RIMS2: variants seen among roughly 807,000 people sequenced by gnomAD.
The protein encoded by RIMS2 is regulating synaptic membrane exocytosis 2, also known as regulating synaptic membrane exocytosis protein 2.
In RIMS2, 59 loss-of-function variants were observed where a neutral mutation model predicts 174.4. The observed-to-expected ratio is 0.34, with a 90% CI of 0.27 to 0.42. RIMS2 has a LOEUF of 0.42. Ranked by LOEUF, RIMS2 falls within the 10% of genes least tolerant of loss-of-function variation. The pLI is 1.00. For missense variants in RIMS2, 1,620 were observed against 1,666.3 expected (o/e 0.97, Z 0.48); for synonymous variants, 606 against 572.5 (o/e 1.06, Z -0.84).
chr8:103,536,129 G>A (rs1233890406), intron 1 of RIMS2, among the ~76,000 whole-genome samples: 1 of 152,044 alleles, frequency 6.6e-6, no homozygotes, highest in Non-Finnish European at 1.5e-5. Flanking sequence ...CAATTATTTG[G>A]TTCAGACTTA....
At chr8:103,969,999 C>T (rs960117129) in intron 15 of RIMS2, among the ~76,000 whole-genome samples, 46 of 152,198 alleles carry the variant, frequency 3.0e-4, no homozygotes, top group African/African-American at 1.1e-3. Flanking sequence ...ATCCACCTGC[C>T]TTGGCCTCCC....
At chr8:103,984,236 A>G (rs185356173) in intron 16 of RIMS2, among the ~76,000 whole-genome samples, 26 of 152,264 alleles carry the variant, frequency 1.7e-4, no homozygotes, top group Admixed American at 1.6e-3. Context: ...AAGCTTCTGC[A>G]CAGCAAAGGA....
intron 3 of RIMS2, among the ~76,000 whole-genome samples, chr8:103,808,102 A>G (rs1218212176): frequency 6.6e-6 from 1 of 152,140 alleles, no homozygotes; most frequent in Non-Finnish European, 1.5e-5. Context: ...GGATTGAGTG[A>G]TTTCAGGCCA....
chr8:104,057,024 C>G (rs552472208), intron 19 of RIMS2, among the ~76,000 whole-genome samples: 1 of 151,888 alleles, frequency 6.6e-6, no homozygotes, highest in Non-Finnish European at 1.5e-5. Flanking sequence ...CCTAATCTTC[C>G]CCTATGGACC....
intron 1 of RIMS2, among the ~76,000 whole-genome samples, chr8:103,629,539 A>T (rs2095863219): frequency 6.6e-6 from 1 of 152,242 alleles, no homozygotes. Context: ...GAAGTAAAAA[A>T]ATAGGAAGAA....
intron 1 of RIMS2, among the ~76,000 whole-genome samples, chr8:103,506,308 T>C (rs1483168949): frequency 1.3e-5 from 2 of 152,100 alleles, no homozygotes; most frequent in Non-Finnish European, 2.9e-5. Context: ...CTCTTGACAA[T>C]AGATTTTGAT....
chr8:104,163,627 C>A (rs2098778327), intron 19 of RIMS2, among the ~76,000 whole-genome samples: 1 of 152,040 alleles, frequency 6.6e-6, no homozygotes. Context: ...TCTAATGTAA[C>A]CTAGGATATG....
At chr8:103,799,263 C>T (rs1478195053) in intron 3 of RIMS2, among the ~76,000 whole-genome samples, 1 of 152,152 alleles carries the variant, frequency 6.6e-6, no homozygotes, top group Non-Finnish European at 1.5e-5. Context: ...AGACAACAAA[C>T]TTGTGTTTTG....
chr8:104,054,850 C>A (rs1255482799), intron 19 of RIMS2, among the ~76,000 whole-genome samples: 1 of 152,020 alleles, frequency 6.6e-6, no homozygotes, highest in Non-Finnish European at 1.5e-5. Context: ...GTGTTGTTTG[C>A]AACATGTTAT....
chr8:103,630,801 C>G (rs1233152724), intron 1 of RIMS2, among the ~76,000 whole-genome samples: 2 of 151,794 alleles, frequency 1.3e-5, no homozygotes, highest in African/African-American at 4.8e-5. Flanking sequence ...AAAAAAGGAA[C>G]CAAAAAAAGA....
intron 1 of RIMS2, among the ~76,000 whole-genome samples, chr8:103,570,829 G>A (rs1478831170): frequency 1.3e-5 from 2 of 151,936 alleles, no homozygotes; most frequent in African/African-American, 4.8e-5. Flanking sequence ...TAATAAGTAG[G>A]GAGAACTCAA....
intron 19 of RIMS2, among the ~76,000 whole-genome samples, chr8:104,166,069 T>C (rs1325654257): frequency 4.2e-5 from 4 of 95,928 alleles, no homozygotes; most frequent in South Asian, 3.4e-4. Context: ...CTTTTTTTTT[T>C]TTTTTTTTTT....
chr8:103,782,431 C>T (rs62527098), intron 3 of RIMS2, among the ~76,000 whole-genome samples: 1 of 134,036 alleles, frequency 7.5e-6, no homozygotes, highest in Non-Finnish European at 1.6e-5. Flanking sequence ...ATACATAAAT[C>T]CCGTGTGTGT....
intron 3 of RIMS2, among the ~76,000 whole-genome samples, chr8:103,862,730 A>T (rs1262661198): frequency 6.6e-6 from 1 of 151,934 alleles, no homozygotes; most frequent in African/African-American, 2.4e-5. Context: ...TGTTGTGGCT[A>T]TTGTAAATGG....
chr8:103,726,996 C>A (rs2097534830), intron 2 of RIMS2, among the ~76,000 whole-genome samples: 1 of 151,492 alleles, frequency 6.6e-6, no homozygotes. Flanking sequence ...CTCAGCCTCC[C>A]AAAGTGCTGG....
At chr8:103,636,789 C>G (rs2096088461) in intron 1 of RIMS2, among the ~76,000 whole-genome samples, 3 of 9,906 alleles carry the variant, frequency 3.0e-4, no homozygotes, top group Admixed American at 1.1e-3. Flanking sequence ...CACCCCCGCA[C>G]CCCCCCCCCC....
intron 19 of RIMS2, among the ~76,000 whole-genome samples, chr8:104,068,132 A>G (rs1037722598): frequency 6.6e-6 from 1 of 152,196 alleles, no homozygotes; most frequent in African/African-American, 2.4e-5. Context: ...TAACTTTAAT[A>G]CCTATAAATA....
intron 19 of RIMS2, among the ~76,000 whole-genome samples, chr8:104,092,021 TA>T (rs1388201007): frequency 6.6e-6 from 1 of 151,810 alleles, no homozygotes; most frequent in African/African-American, 2.4e-5. Flanking sequence ...GTTGCTAGGT[TA>T]ATGGATTTGA....
intron 19 of RIMS2, among the ~76,000 whole-genome samples, chr8:104,079,790 C>T (rs866542284): frequency 3.3e-5 from 5 of 151,258 alleles, no homozygotes; most frequent in Non-Finnish European, 5.9e-5. Context: ...TTCTTGAGAA[C>T]GGTGACTATA....
Sources: gnomAD v4.1 joint callset for allele counts (sites outside exome capture counted in the v4.1 genomes callset) on GRCh38, gnomAD v4.1.1 for gene constraint, MANE v1.5 for transcripts, NCBI Gene and HGNC (gene_info 2026-07-23, HGNC 2026-07-21) for gene names.